The following GREB1L variants were observed in gnomAD, a reference collection of about 807,000 sequenced individuals.
The protein encoded by GREB1L is GREB1-like protein.
In GREB1L, 17 loss-of-function variants were observed where a neutral mutation model predicts 200.8. The ratio of observed to expected loss-of-function variants is 0.08; its 90% CI spans 0.06 to 0.13. The LOEUF (loss-of-function observed/expected upper bound fraction) is 0.13. Ranked by LOEUF, GREB1L falls within the 10% of genes least tolerant of loss-of-function variation. GREB1L has a pLI of 1.00. For synonymous variants in GREB1L, 789 were observed against 893.0 expected (o/e 0.88, Z 2.08); for missense variants, 1,657 against 2,367.7 (o/e 0.70, Z 6.23).
At chr18:21,334,749 G>C (rs1271151478) in intron 1 of GREB1L, among the ~76,000 whole-genome samples, 1 of 151,136 alleles carries the variant, frequency 6.6e-6, no homozygotes, top group Non-Finnish European at 1.5e-5. Context: ...ACTCCAGCCT[G>C]GTGACAGAGT....
At chr18:21,470,515 C>A (rs772809020) in intron 15 of GREB1L, among the ~76,000 whole-genome samples, 1 of 151,922 alleles carries the variant, frequency 6.6e-6, no homozygotes, top group Non-Finnish European at 1.5e-5. Flanking sequence ...TTTTAAAGTA[C>A]ATTTCCTAAC....
chr18:21,287,389 T>G (rs920647557), intron 1 of GREB1L, among the ~76,000 whole-genome samples: 64 of 152,238 alleles, frequency 4.2e-4, no homozygotes, highest in African/African-American at 1.5e-3. Flanking sequence ...CCATTTGAGA[T>G]ATATGTTCCT....
At chr18:21,393,718 C>A (rs142825077) in intron 4 of GREB1L, among the ~76,000 whole-genome samples, 1 of 152,092 alleles carries the variant, frequency 6.6e-6, no homozygotes, top group Non-Finnish European at 1.5e-5. Flanking sequence ...TGCGGGTCAC[C>A]GCGCCCGGCC....
rs953075161 is a variant in GREB1L, at chr18:21,524,351, T to C, written c.*1530T>C. ...CTCTTGGTTTTAATATAGCTACTTA[T>C]AATGCTTTAACTGTATTTTGAAGTG... On this transcript the variant is annotated 3_prime_UTR_variant, in exon 33 of 33. Coordinates refer to ENST00000424526, the MANE Select transcript of GREB1L (RefSeq NM_001142966.3). The C allele has an allele frequency of 1.1e-4, 16 of 152,372 alleles. No individual in the cohort carries two copies. The highest frequency in any genetic ancestry group is 8.5e-4 in the Admixed American group (13 of 15,304). The allele number at this position is 152,372 out of a possible 1,614,324, so 9.4% of individuals were successfully genotyped here.
chr18:21,348,637 T>C (rs1231191159), intron 1 of GREB1L, among the ~76,000 whole-genome samples: 2 of 151,960 alleles, frequency 1.3e-5, no homozygotes, highest in Non-Finnish European at 1.5e-5. Flanking sequence ...TAGCCAGGCG[T>C]AGTGGCAGGT....
intron 14 of GREB1L, 97 bp downstream of exon 14, chr18:21,452,314 C>T (rs1430033948): frequency 8.7e-7 from 1 of 1,154,532 alleles, no homozygotes; most frequent in Non-Finnish European, 1.2e-6. Context: ...CTTCAAGTCA[C>T]AGACCACAAC....
chr18:21,484,965 T>C (rs535566098), intron 17 of GREB1L, among the ~76,000 whole-genome samples: 15 of 152,284 alleles, frequency 9.9e-5, no homozygotes, highest in African/African-American at 3.6e-4. Flanking sequence ...AAAGCTTATT[T>C]AATATCGTAG....
chr18:21,359,283 C>T (rs1342751546), intron 1 of GREB1L, among the ~76,000 whole-genome samples: 1 of 152,136 alleles, frequency 6.6e-6, no homozygotes, highest in Non-Finnish European at 1.5e-5. Flanking sequence ...AATCCCGTTT[C>T]TACTAAAAAT....
At chr18:21,496,813 G>T in intron 21 of GREB1L, 115 bp downstream of exon 21, 1 of 1,203,578 alleles carries the variant, frequency 8.3e-7, no homozygotes, top group East Asian at 2.6e-5. Context: ...GGAGCCTTCA[G>T]GGACTGGCAT....
intron 1 of GREB1L, among the ~76,000 whole-genome samples, chr18:21,287,937 G>T (rs1194126380): frequency 6.6e-6 from 1 of 151,666 alleles, no homozygotes; most frequent in Middle Eastern, 3.4e-3. Context: ...TGGGATTACA[G>T]GCATACCCTG....
chr18:21,503,932 CTTTAT>C lies in GREB1L; in HGVS notation c.4073-1472_4073-1468del, dbSNP rs1282251390. ...CTGTGTGCCTGCAACTGTCTAGGCA[CTTTAT>C]TTTATTTATTTATTTATTTTTTGAG... On this transcript the variant is annotated intron_variant, in intron 23 of 32. Transcript: ENST00000424526. Among the ~76,000 whole-genome samples the C allele has an allele frequency of 6.2e-4, 93 of 150,984 alleles. 1 individual carries two copies. The highest frequency in any genetic ancestry group is 5.9e-3 in the Admixed American group (90 of 15,202).
intron 1 of GREB1L, among the ~76,000 whole-genome samples, chr18:21,363,319 C>T (rs563284925): frequency 7.2e-6 from 1 of 139,260 alleles, no homozygotes; most frequent in Admixed American, 7.5e-5. Flanking sequence ...AAGAACTCCT[C>T]CTGCCTATTG....
At chr18:21,404,629 C>T (rs1407803041) in intron 7 of GREB1L, among the ~76,000 whole-genome samples, 4 of 152,172 alleles carry the variant, frequency 2.6e-5, no homozygotes, top group Non-Finnish European at 5.9e-5. Context: ...GAGCACCAGC[C>T]CAGGCCCTGA....
At chr18:21,458,304 G>C (rs1162241498) in intron 15 of GREB1L, among the ~76,000 whole-genome samples, 2 of 152,098 alleles carry the variant, frequency 1.3e-5, no homozygotes, top group African/African-American at 4.8e-5. Context: ...CATGTCTAGT[G>C]CCTCGTTTCA....
rs544140964 is a variant in GREB1L at position 21,278,145 on chromosome 18, C to T, written c.-120+35752C>T. ...CTGTAGTCCCAGCACTTTGGGAGGC[C>T]GAGGCGGGTGGATCACCTGAAGTCA... On this transcript the variant is annotated intron_variant, in intron 1 of 32. Coordinates refer to ENST00000424526, the MANE Select transcript of GREB1L (RefSeq NM_001142966.3). 5.9e-5 allele frequency among the ~76,000 whole-genome samples: 9 copies of T among 152,088 alleles called. No homozygotes were observed. The East Asian group carries it at 7.7e-4, about 13-fold the overall frequency.
At chr18:21,458,735 G>A (rs1474620232) in intron 15 of GREB1L, among the ~76,000 whole-genome samples, 4 of 152,102 alleles carry the variant, frequency 2.6e-5, no homozygotes, top group South Asian at 2.1e-4. Flanking sequence ...GAAATGGAGC[G>A]GGTTTAACAT....
At chr18:21,454,645 G>A (rs775422403) in intron 15 of GREB1L, 82 bp downstream of exon 15, 36 of 1,056,992 alleles carry the variant, frequency 3.4e-5, no homozygotes, top group African/African-American at 1.1e-4. Flanking sequence ...TAATCCAAAC[G>A]TCTAGAGGAT....
intron 18 of GREB1L, among the ~76,000 whole-genome samples, chr18:21,488,969 T>A (rs1381907555): frequency 2.0e-5 from 3 of 152,188 alleles, no homozygotes; most frequent in African/African-American, 7.2e-5. Context: ...CTTTCTTTTT[T>A]AAAAAATTTT....
At chr18:21,347,601 G>A (rs898648863) in intron 1 of GREB1L, among the ~76,000 whole-genome samples, 1 of 145,618 alleles carries the variant, frequency 6.9e-6, no homozygotes, top group Non-Finnish European at 1.5e-5. Flanking sequence ...GATTACAGGA[G>A]CTTGCCACCA....
Sources: allele counts gnomAD v4.1 joint callset (sites outside exome capture counted in the v4.1 genomes callset), GRCh38; gene constraint gnomAD v4.1.1; transcripts MANE v1.5; gene names NCBI Gene and HGNC (gene_info 2026-07-23, HGNC 2026-07-21).